PCDH15: variants seen among roughly 807,000 people sequenced by gnomAD.
The protein encoded by PCDH15 is protocadherin-15.
A neutral mutation model predicts 178.5 loss-of-function variants in PCDH15; 129 were observed. The observed-to-expected ratio is 0.72, with a 90% CI of 0.63 to 0.84. The LOEUF is 0.84. Among genes scored for constraint, PCDH15 ranks in the 40% least tolerant of loss-of-function variants. The pLI is 0.00. For missense variants in PCDH15, 2,230 were observed against 2,099.9 expected (o/e 1.06, Z -1.21); for synonymous variants, 800 against 732.0 (o/e 1.09, Z -1.50).
chr10:54,369,389 A>G, intron 4 of PCDH15, 114 bp from the exon 5 acceptor site: 1 of 929,628 alleles, frequency 1.1e-6, no homozygotes, highest in South Asian at 1.5e-5. Context: ...TTTTTAAATT[A>G]TAATAATCTC....
intron 3 of PCDH15, among the ~76,000 whole-genome samples, chr10:54,522,087 CAAAAAA>C (rs11313978): frequency 5.1e-5 from 3 of 58,892 alleles, no homozygotes; most frequent in African/African-American, 1.3e-4. Flanking sequence ...GAATCCATCT[CAAAAAA>C]AAAAAAAAAA....
At position 54,664,159 on chromosome 10, in the gene PCDH15, A is replaced by G; in HGVS notation, c.91+13T>C. On this transcript the variant is annotated intron_variant, in intron 2 of 37. Coordinates refer to ENST00000644397, the MANE Select transcript of PCDH15 (RefSeq NM_001384140.1). ...CTGGCTCGCTCTAAAGGTCAAGCTA[A>G]AAGCAACCTTACCATCATCATACTG... is the stretch of plus-strand genomic sequence containing the variant. 6.2e-7 allele frequency: 1 copy of G among 1,607,414 alleles called. No individual in the cohort carries two copies. Among genetic ancestry groups the G allele is most frequent in the Non-Finnish European group, 8.5e-7 (1 of 1,174,850 alleles).
At chr10:54,263,132 T>A (rs2057444067) in intron 8 of PCDH15, among the ~76,000 whole-genome samples, 1 of 152,172 alleles carries the variant, frequency 6.6e-6, no homozygotes, top group Non-Finnish European at 1.5e-5. Context: ...CATACCTAAG[T>A]TGTGTATCAC....
At chr10:54,198,635 G>A (rs1285375457) in intron 10 of PCDH15, among the ~76,000 whole-genome samples, 1 of 115,174 alleles carries the variant, frequency 8.7e-6, no homozygotes, top group Non-Finnish European at 1.6e-5. Flanking sequence ...CCAAGTAGTT[G>A]GGACTACAGG....
intron 3 of PCDH15, among the ~76,000 whole-genome samples, chr10:54,806,781 G>T (rs1952784697): frequency 6.6e-6 from 1 of 152,140 alleles, no homozygotes. Context: ...GCCTCGCCTG[G>T]CCTGAGCCAC....
chr10:54,489,103 T>C (rs189000012), intron 3 of PCDH15, among the ~76,000 whole-genome samples: 9 of 152,196 alleles, frequency 5.9e-5, no homozygotes, highest in East Asian at 1.9e-4. Context: ...GAATTTATTA[T>C]GCCCTGGATC....
intron 1 of PCDH15, among the ~76,000 whole-genome samples, chr10:55,256,688 C>T (rs1842008395): frequency 1.3e-5 from 2 of 152,190 alleles, no homozygotes; most frequent in African/African-American, 4.8e-5. Flanking sequence ...GGGGCGCCCG[C>T]CATTGCTCAG....
intron 3 of PCDH15, among the ~76,000 whole-genome samples, chr10:54,879,564 A>C (rs10825413): frequency 0.18 from 26,617 of 151,786 alleles, 3,034 homozygotes; most frequent in Non-Finnish European, 0.26. Flanking sequence ...TAATAAAATG[A>C]TGTTATTGGA....
chr10:54,604,035 G>A lies in PCDH15; in HGVS notation c.91+60137C>T, dbSNP rs542988121. On this transcript the variant is annotated intron_variant, in intron 2 of 37. Coordinates refer to ENST00000644397, the MANE Select transcript of PCDH15 (RefSeq NM_001384140.1). Reference sequence around the variant, plus strand: ...TTTTAAATTTAATCTTGGACCCAATGATTGTTCAAGAGTGTATTGTTTAGC... The same window carrying A: ...TTTTAAATTTAATCTTGGACCCAATAATTGTTCAAGAGTGTATTGTTTAGC... Among the ~76,000 whole-genome samples the A allele has an allele frequency of 3.3e-5, 5 of 151,046 alleles. No homozygotes were observed. The Admixed American group carries it at 3.3e-4, about 10-fold the overall frequency.
At chr10:54,497,311 A>C (rs796158493) in intron 3 of PCDH15, among the ~76,000 whole-genome samples, 5 of 152,082 alleles carry the variant, frequency 3.3e-5, no homozygotes, top group Admixed American at 3.3e-4. Flanking sequence ...AAGGAAAGAA[A>C]CTTCAAAGAT....
intron 1 of PCDH15, among the ~76,000 whole-genome samples, chr10:55,195,184 T>C (rs1404674638): frequency 6.6e-6 from 1 of 151,682 alleles, no homozygotes; most frequent in Non-Finnish European, 1.5e-5. Context: ...CCACCACGCC[T>C]GGCTAACTTT....
chr10:54,197,612 A>G (rs769645095), intron 10 of PCDH15, among the ~76,000 whole-genome samples: 1 of 152,152 alleles, frequency 6.6e-6, no homozygotes, highest in Non-Finnish European at 1.5e-5. Flanking sequence ...TAAGTAGCTC[A>G]GCTAGAGATC....
At chr10:55,102,134 T>C (rs1842588299) in intron 2 of PCDH15, among the ~76,000 whole-genome samples, 1 of 152,100 alleles carries the variant, frequency 6.6e-6, no homozygotes, top group African/African-American at 2.4e-5. Flanking sequence ...CTTAAACTCA[T>C]ATATTTTTCT....
intron 1 of PCDH15, among the ~76,000 whole-genome samples, chr10:54,720,755 G>A (rs1941467881): frequency 6.6e-6 from 1 of 151,922 alleles, no homozygotes; most frequent in Non-Finnish European, 1.5e-5. Context: ...AAATACTACT[G>A]GTCCTATGAA....
At chr10:55,497,434 A>G (rs959547344) in intron 2 of PCDH15, among the ~76,000 whole-genome samples, 3 of 151,724 alleles carry the variant, frequency 2.0e-5, no homozygotes, top group African/African-American at 7.3e-5. Context: ...CTGGCTGAAA[A>G]GAGGTACTTT....
intron 1 of PCDH15, among the ~76,000 whole-genome samples, chr10:54,681,417 A>C (rs2094896862): frequency 6.6e-6 from 1 of 152,152 alleles, no homozygotes; most frequent in South Asian, 2.1e-4. Flanking sequence ...GCAAATATTT[A>C]GAGGTCAGAA....
chr10:54,892,061 G>C (rs996487261), intron 3 of PCDH15, among the ~76,000 whole-genome samples: 13 of 152,032 alleles, frequency 8.6e-5, no homozygotes, highest in Admixed American at 2.0e-4. Context: ...GACACTTCTT[G>C]TTCCTCACCC....
chr10:54,583,586 G>A (rs1273872073), intron 2 of PCDH15, among the ~76,000 whole-genome samples: 2 of 152,004 alleles, frequency 1.3e-5, no homozygotes, highest in Admixed American at 6.6e-5. Flanking sequence ...AGGGTTAATG[G>A]TATCCAAACA....
chr10:54,378,996 A>T, intron 3 of PCDH15, 54 bp from the exon 4 acceptor site: 1 of 1,599,030 alleles, frequency 6.3e-7, no homozygotes, highest in South Asian at 1.1e-5. Flanking sequence ...TGAATTCTTT[A>T]GCAAAGATCA....
Sources: allele counts gnomAD v4.1 joint callset (sites outside exome capture counted in the v4.1 genomes callset), GRCh38; gene constraint gnomAD v4.1.1; transcripts MANE v1.5; gene names NCBI Gene and HGNC (gene_info 2026-07-23, HGNC 2026-07-21).